The following SIK3 variants were observed in gnomAD, a reference collection of about 807,000 sequenced individuals.
SIK3 encodes the protein serine/threonine-protein kinase SIK3.
Under a neutral mutation model 144.2 loss-of-function variants are expected in SIK3, and 28 were observed. The ratio of observed to expected loss-of-function variants is 0.19; its 90% CI spans 0.14 to 0.27. The LOEUF (loss-of-function observed/expected upper bound fraction) is 0.27, where lower values mean the gene tolerates loss of function less well. Ranked by LOEUF, SIK3 falls within the 10% of genes least tolerant of loss-of-function variation. The pLI is 1.00. For missense variants in SIK3, 1,319 were observed against 1,776.0 expected (o/e 0.74, Z 4.62); for synonymous variants, 686 against 676.3 (o/e 1.01, Z -0.22).
chr11:117,086,255 G>C (rs753215597), intron 1 of SIK3, among the ~76,000 whole-genome samples: 13 of 152,222 alleles, frequency 8.5e-5, no homozygotes, highest in Non-Finnish European at 1.8e-4. Flanking sequence ...TAGGACTGCT[G>C]CATTACCATA....
chr11:117,080,734 G>T (rs1373875995), intron 1 of SIK3, among the ~76,000 whole-genome samples: 1 of 151,996 alleles, frequency 6.6e-6, no homozygotes, highest in African/African-American at 2.4e-5. Flanking sequence ...GATCACTCAA[G>T]GCCAGGAGTT....
chr11:116,853,318 A>G (rs1416646917), intron 21 of SIK3, among the ~76,000 whole-genome samples: 1 of 152,226 alleles, frequency 6.6e-6, no homozygotes, highest in African/African-American at 2.4e-5. Flanking sequence ...AAGGAACATG[A>G]CATTCAGGAT....
At chr11:117,091,139 T>C (rs1955224925) in intron 1 of SIK3, among the ~76,000 whole-genome samples, 1 of 151,006 alleles carries the variant, frequency 6.6e-6, no homozygotes, top group Non-Finnish European at 1.5e-5. Flanking sequence ...GAGCCATGAA[T>C]CTAATGGATA....
chr11:116,927,441 A>G (rs1565461213), intron 3 of SIK3, 61 bp from the exon 4 acceptor site: 16 of 1,542,612 alleles, frequency 1.0e-5, no homozygotes, highest in Non-Finnish European at 1.4e-5. Flanking sequence ...TTCAAAAGGT[A>G]GACTTAAGGA....
At chr11:116,942,488 A>G (rs1219163140) in intron 3 of SIK3, among the ~76,000 whole-genome samples, 3 of 152,222 alleles carry the variant, frequency 2.0e-5, no homozygotes, top group African/African-American at 7.2e-5. Context: ...AAATAAATAT[A>G]TGTCAGTTCA....
intron 1 of SIK3, among the ~76,000 whole-genome samples, chr11:117,028,761 G>C (rs920200518): frequency 7.9e-5 from 12 of 152,156 alleles, no homozygotes; most frequent in Non-Finnish European, 8.8e-5. Context: ...AAGTAGCCTG[G>C]AGGAAGGAAA....
chr11:116,987,795 G>C (rs1287253726), intron 1 of SIK3, among the ~76,000 whole-genome samples: 1 of 152,140 alleles, frequency 6.6e-6, no homozygotes, highest in African/African-American at 2.4e-5. Context: ...TTTTTAAACT[G>C]AAATATTCAC....
intron 16 of SIK3, 93 bp from the exon 17 acceptor site, chr11:116,862,420 G>A (rs1943394809): frequency 1.3e-6 from 2 of 1,546,530 alleles, no homozygotes; most frequent in Non-Finnish European, 1.8e-6. Flanking sequence ...AAGCTCTCAT[G>A]GGCAGAAAGA....
At chr11:117,028,624 A>C (rs1198991289) in intron 1 of SIK3, among the ~76,000 whole-genome samples, 2 of 152,124 alleles carry the variant, frequency 1.3e-5, no homozygotes, top group Admixed American at 6.6e-5. Context: ...TAGAAGAAAG[A>C]AGCATGTCAA....
At chr11:117,034,001 G>A in intron 1 of SIK3, among the ~76,000 whole-genome samples, 1 of 152,096 alleles carries the variant, frequency 6.6e-6, no homozygotes, top group East Asian at 1.9e-4. Flanking sequence ...TTCTTCATAT[G>A]TTTAATGAAG....
chr11:116,988,574 A>C (rs938098700), intron 1 of SIK3, among the ~76,000 whole-genome samples: 2 of 151,980 alleles, frequency 1.3e-5, no homozygotes, highest in African/African-American at 4.8e-5. Flanking sequence ...TGAGCTCAGG[A>C]GTTTGAGACC....
chr11:116,907,694 T>C (rs1340893706), intron 4 of SIK3, among the ~76,000 whole-genome samples: 1 of 152,132 alleles, frequency 6.6e-6, no homozygotes, highest in Non-Finnish European at 1.5e-5. Context: ...CAGTTTACTG[T>C]TTTTCATTTT....
At chr11:116,912,439 G>A (rs1946398126) in intron 4 of SIK3, among the ~76,000 whole-genome samples, 1 of 152,226 alleles carries the variant, frequency 6.6e-6, no homozygotes, top group African/African-American at 2.4e-5. Context: ...CCACTTTAGA[G>A]CAATGAACTT....
At chr11:116,972,200 C>A (rs1429539698) in intron 1 of SIK3, among the ~76,000 whole-genome samples, 1 of 152,074 alleles carries the variant, frequency 6.6e-6, no homozygotes, top group Admixed American at 6.6e-5. Flanking sequence ...GAGACACCTA[C>A]CAATGAAGTT....
chr11:116,961,533 A>G (rs1949348095), intron 1 of SIK3, among the ~76,000 whole-genome samples: 1 of 152,246 alleles, frequency 6.6e-6, no homozygotes, highest in South Asian at 2.1e-4. Flanking sequence ...TGTGTCCACA[A>G]CAAAGGTAAA....
intron 3 of SIK3, among the ~76,000 whole-genome samples, chr11:116,947,356 A>G (rs1309805088): frequency 6.8e-6 from 1 of 146,898 alleles, no homozygotes; most frequent in Non-Finnish European, 1.5e-5. Flanking sequence ...ACTAAGAAGG[A>G]ACAGTCCGAA....
intron 1 of SIK3, among the ~76,000 whole-genome samples, chr11:116,957,327 G>GA (rs1456097235): frequency 6.6e-6 from 1 of 152,112 alleles, no homozygotes; most frequent in Non-Finnish European, 1.5e-5. Context: ...AAAATCCTAT[G>GA]AAAAAATACT....
intron 6 of SIK3, among the ~76,000 whole-genome samples, chr11:116,892,615 G>A (rs868212079): frequency 6.6e-6 from 1 of 152,202 alleles, no homozygotes; most frequent in Non-Finnish European, 1.5e-5. Flanking sequence ...ACTCATTGCT[G>A]GCAGGAATGC....
intron 1 of SIK3, among the ~76,000 whole-genome samples, chr11:117,059,447 G>C (rs1271025894): frequency 6.6e-6 from 1 of 152,174 alleles, no homozygotes; most frequent in African/African-American, 2.4e-5. Flanking sequence ...GGACTTCCCT[G>C]AATAGCCATT....
Sources: allele counts gnomAD v4.1 joint callset (sites outside exome capture counted in the v4.1 genomes callset), GRCh38; gene constraint gnomAD v4.1.1; transcripts MANE v1.5; gene names NCBI Gene and HGNC (gene_info 2026-07-23, HGNC 2026-07-21).